Variants in KALRN observed in about 807,000 individuals in gnomAD.
KALRN encodes the protein kalirin RhoGEF kinase, also known as kalirin.
KALRN carries 70 observed loss-of-function variants against 353.7 expected under a neutral mutation model. The observed-to-expected ratio is 0.20, with a 90% CI of 0.16 to 0.24. KALRN has a LOEUF of 0.24. KALRN is among the 10% of genes least tolerant of loss of function. The pLI is 1.00. For synonymous variants in KALRN, 1,391 were observed against 1,434.8 expected (o/e 0.97, Z 0.69); for missense variants, 2,791 against 3,756.7 (o/e 0.74, Z 6.72).
intron 1 of KALRN, among the ~76,000 whole-genome samples, chr3:124,140,041 CTT>C (rs2066434935): frequency 6.6e-6 from 1 of 152,176 alleles, no homozygotes; most frequent in African/African-American, 2.4e-5. Context: ...AGTTATCTCT[CTT>C]GTGACTTCTT....
intron 26 of KALRN, among the ~76,000 whole-genome samples, chr3:124,475,813 T>C (rs772214633): frequency 6.6e-6 from 1 of 152,224 alleles, no homozygotes; most frequent in Non-Finnish European, 1.5e-5. Flanking sequence ...CCAAGCACTC[T>C]TGTTTCTTCA....
intron 1 of KALRN, chr3:124,152,086 G>A (rs1214281605): frequency 7.9e-5 from 101 of 1,270,444 alleles, no homozygotes; most frequent in Non-Finnish European, 2.5e-5. Context: ...GCCACAGGAA[G>A]TTATTTGCTT....
At chr3:124,144,111 A>G (rs1471308005) in intron 1 of KALRN, among the ~76,000 whole-genome samples, 3 of 152,132 alleles carry the variant, frequency 2.0e-5, no homozygotes, top group African/African-American at 7.2e-5. Flanking sequence ...CCCAAATAGC[A>G]TCCCAAATTG....
rs149251855 is a variant in KALRN, at chr3:124,392,162, G to A, written c.1963-2973G>A. ...CCTGCTGGGAACAAGCAATCCTCCC[G>A]CCTCAGCCTCCTAAGTAGCTGGGGC... is the stretch of plus-strand genomic sequence containing the variant. On this transcript the variant is annotated intron_variant, in intron 11 of 59. Transcript: ENST00000682506. Among the ~76,000 whole-genome samples the A allele has an allele frequency of 7.3e-3, 1,103 of 151,992 alleles. 8 individuals are homozygous for A. The highest frequency in any genetic ancestry group is 0.01 in the Non-Finnish European group (690 of 67,986).
intron 36 of KALRN, among the ~76,000 whole-genome samples, chr3:124,636,060 T>G (rs1289001851): frequency 6.6e-6 from 1 of 152,222 alleles, no homozygotes; most frequent in Non-Finnish European, 1.5e-5. Flanking sequence ...GTAAGCTTTT[T>G]CCTGCAGTCC....
rs145123159 is a variant in KALRN, at chr3:124,281,841, A to G, written c.969+12586A>G. Among the ~76,000 whole-genome samples the G allele has an allele frequency of 7.4e-3, 1,126 of 152,340 alleles. 55 individuals carry two copies. Among genetic ancestry groups the G allele is most frequent in the Admixed American group, 0.064 (983 of 15,298 alleles). ...ATACTTAGTGCCAAATAAATAGTTG[A>G]CCGTGACACAGTCTGTACTCACTGG... On this transcript the variant is annotated intron_variant, in intron 5 of 59. Transcript: ENST00000682506.
In KALRN at chr3:124,148,881, T is replaced by C. The variant is rs143487221; in HGVS notation, c.74-79109T>C. Among the ~76,000 whole-genome samples, 222 of 152,336 alleles carry C rather than the reference T, an allele frequency of 1.5e-3. 4 individuals are homozygous for C. The East Asian group carries it at 0.041, about 28-fold the overall frequency. On this transcript the variant is annotated intron_variant, in intron 1 of 59. Coordinates refer to ENST00000682506, the MANE Select transcript of KALRN (RefSeq NM_001388419.1). ...TAGAAACTATTCCTTTCATGTGTTT[T>C]AAAAGCTCACAGAAAATCCATCATT...
chr3:124,235,681 T>C (rs924583880), intron 3 of KALRN, among the ~76,000 whole-genome samples: 2 of 152,190 alleles, frequency 1.3e-5, no homozygotes, highest in African/African-American at 4.8e-5. Context: ...AACTCAACCC[T>C]CCTGAGTCCA....
intron 6 of KALRN, among the ~76,000 whole-genome samples, chr3:124,308,983 C>A (rs952802631): frequency 6.6e-6 from 1 of 151,578 alleles, no homozygotes; most frequent in African/African-American, 2.4e-5. Context: ...ACTTACCTTA[C>A]GAGAAAATAG....
intron 3 of KALRN, among the ~76,000 whole-genome samples, chr3:124,237,509 C>T (rs1206487208): frequency 6.6e-6 from 1 of 151,932 alleles, no homozygotes; most frequent in African/African-American, 2.4e-5. Flanking sequence ...ATTACAGGCA[C>T]CTGCCACCAC....
chr3:124,656,134 G>A (rs2083991519), intron 39 of KALRN, among the ~76,000 whole-genome samples: 2 of 152,048 alleles, frequency 1.3e-5, no homozygotes, highest in Middle Eastern at 3.2e-3. Flanking sequence ...CCACCAATGA[G>A]CAAGGTTGAC....
intron 1 of KALRN, among the ~76,000 whole-genome samples, chr3:124,076,243 G>A (rs766671815): frequency 2.6e-5 from 4 of 152,230 alleles, no homozygotes; most frequent in African/African-American, 4.8e-5. Flanking sequence ...AGCAAGGGCA[G>A]CTAGGGTGGG....
chr3:124,593,529 C>T (rs1325834632), intron 34 of KALRN, among the ~76,000 whole-genome samples: 1 of 152,158 alleles, frequency 6.6e-6, no homozygotes, highest in African/African-American at 2.4e-5. Flanking sequence ...AGGTAGATTT[C>T]CTCTCAGTCT....
rs547097837 is a variant in KALRN, at chr3:124,318,147, A to G, written c.1093-7833A>G. Reference sequence around the variant, plus strand: ...GAGGAAACATTGCTATGGGCAAGCCAGGCCAGAGGGACAGGACTCGTGAGC... The same window carrying G: ...GAGGAAACATTGCTATGGGCAAGCCGGGCCAGAGGGACAGGACTCGTGAGC... On this transcript the variant is annotated intron_variant, in intron 6 of 59. Transcript: ENST00000682506. 1.8e-4 allele frequency among the ~76,000 whole-genome samples: 28 copies of G among 152,348 alleles called. No homozygotes were observed. The East Asian group carries it at 4.2e-3, about 23-fold the overall frequency.
At chr3:124,557,236 G>C (rs2071376386) in intron 33 of KALRN, among the ~76,000 whole-genome samples, 1 of 151,988 alleles carries the variant, frequency 6.6e-6, no homozygotes. Flanking sequence ...CTTCCCACTG[G>C]GTAGATTTTT....
At chr3:124,495,957 GTATGTATGTATATA>G (rs1463735631) in intron 32 of KALRN, among the ~76,000 whole-genome samples, 4 of 44,228 alleles carry the variant, frequency 9.0e-5, no homozygotes, top group African/African-American at 3.5e-4. Context: ...GTGTGTATGT[GTATGTATGTATATA>G]TATATATATA....
chr3:124,599,986 A>G (rs2076640052), intron 34 of KALRN, among the ~76,000 whole-genome samples: 1 of 152,230 alleles, frequency 6.6e-6, no homozygotes, highest in Admixed American at 6.5e-5. Context: ...AATTTAAACT[A>G]TGACCCTTCT....
At chr3:124,046,399 T>A (rs1307111324) in intron 1 of KALRN, among the ~76,000 whole-genome samples, 1 of 152,238 alleles carries the variant, frequency 6.6e-6, no homozygotes, top group Non-Finnish European at 1.5e-5. Flanking sequence ...GGTCAGATGC[T>A]GGAGCTCTTA....
At chr3:124,549,530 A>G (rs1190871714) in intron 33 of KALRN, among the ~76,000 whole-genome samples, 2 of 152,182 alleles carry the variant, frequency 1.3e-5, no homozygotes, top group Non-Finnish European at 2.9e-5. Context: ...CACTCTAAAA[A>G]TGACTATTCA....
Sources: allele counts gnomAD v4.1 joint callset (sites outside exome capture counted in the v4.1 genomes callset), GRCh38; gene constraint gnomAD v4.1.1; transcripts MANE v1.5; gene names NCBI Gene and HGNC (gene_info 2026-07-23, HGNC 2026-07-21).